MCMBP: variants seen among roughly 807,000 people sequenced by gnomAD.
The protein encoded by MCMBP is minichromosome maintenance complex binding protein, also known as mini-chromosome maintenance complex-binding protein.
In MCMBP, 31 loss-of-function variants were observed where a neutral mutation model predicts 81.3. The ratio of observed to expected loss-of-function variants is 0.38; its 90% CI spans 0.29 to 0.51. The LOEUF (loss-of-function observed/expected upper bound fraction) is 0.51, where lower values mean the gene tolerates loss of function less well. Among genes scored for constraint, MCMBP ranks in the 20% least tolerant of loss-of-function variants. MCMBP has a pLI of 0.87. For missense variants in MCMBP, 645 were observed against 772.1 expected (o/e 0.84, Z 1.95); for synonymous variants, 267 against 275.9 (o/e 0.97, Z 0.32).
chr10:119,852,012 C>T (rs1472906688), intron 6 of MCMBP, among the ~76,000 whole-genome samples: 4 of 151,742 alleles, frequency 2.6e-5, no homozygotes, highest in Non-Finnish European at 4.4e-5. Context: ...ATTAGCCAGG[C>T]GTGGTGGCGC....
intron 1 of MCMBP, among the ~76,000 whole-genome samples, chr10:119,862,787 G>A (rs1195602533): frequency 1.3e-5 from 2 of 152,188 alleles, no homozygotes; most frequent in Non-Finnish European, 2.9e-5. Context: ...ATTTTGCTAA[G>A]AGATCCAGCT....
intron 5 of MCMBP, among the ~76,000 whole-genome samples, chr10:119,853,854 C>T (rs1323716475): frequency 6.6e-6 from 1 of 152,072 alleles, no homozygotes; most frequent in Non-Finnish European, 1.5e-5. Context: ...AAATAGCAGA[C>T]CTCATGAATA....
At position 119,858,886 on chromosome 10, in the gene MCMBP, C is replaced by T. The variant is rs2134390462; in HGVS notation, c.325G>A (p.Gly109Arg). ...FGKYRDVAEC[G>R]PQQELDLNSP... ...TCATATATATTAAAGATACATACCC[C>T]ACACTCTGCTACATCTCTATATTTT... is the stretch of plus-strand genomic sequence containing the variant. Residue 109 changes from glycine (G) to arginine (R), a missense_variant and splice_region_variant, in exon 4 of 16, where the codon GGG becomes AGG. Coordinates refer to ENST00000369077, the MANE Select transcript of MCMBP (RefSeq NM_001256378.2). 6.2e-7 allele frequency: 1 copy of T among 1,607,148 alleles called. No individual in the cohort carries two copies. The highest frequency in any genetic ancestry group is 8.5e-7 in the Non-Finnish European group (1 of 1,175,372).
At chr10:119,860,048 T>A (rs183379445) in intron 1 of MCMBP, among the ~76,000 whole-genome samples, 164 bp from the exon 2 acceptor site, 79 of 152,282 alleles carry the variant, frequency 5.2e-4, no homozygotes, top group African/African-American at 1.8e-3. Context: ...CTTCAGTGTG[T>A]CTGAAGTACT....
chr10:119,847,517 G>A (rs907468941), intron 8 of MCMBP, 96 bp downstream of exon 8: 5 of 628,770 alleles, frequency 8.0e-6, no homozygotes, highest in Non-Finnish European at 8.0e-6. Context: ...TGGGAGAAAG[G>A]GAAAAGGGAG....
At position 119,843,477 on chromosome 10, in the gene MCMBP, T is replaced by C. The variant is rs749215124; in HGVS notation, c.828-51A>G. 3.2e-6 allele frequency: 5 copies of C among 1,553,576 alleles called. No individual in the cohort carries two copies. The Admixed American group carries it at 5.5e-5, about 17-fold the overall frequency. On this transcript the variant is annotated intron_variant, in intron 8 of 15. Transcript: ENST00000369077. ...TTTAGAGAGACATCAATTGCACAGA[T>C]GCAAAAATAATGTGCATCTTGGAAA...
chr10:119,852,106 C>G (rs1010279704), intron 6 of MCMBP, among the ~76,000 whole-genome samples: 1 of 131,028 alleles, frequency 7.6e-6, no homozygotes, highest in African/African-American at 3.0e-5. Flanking sequence ...GAGCCAAGAT[C>G]GTGCCACTGC....
intron 1 of MCMBP, among the ~76,000 whole-genome samples, chr10:119,863,515 T>TGAG (rs1290974431): frequency 6.6e-6 from 1 of 151,864 alleles, no homozygotes; most frequent in East Asian, 1.9e-4. Flanking sequence ...GCGGATCACC[T>TGAG]GTCAGGAGTT....
rs186482320 is a variant in MCMBP at position 119,855,669 on chromosome 10, C to T, written c.429+1669G>A. On this transcript the variant is annotated intron_variant, in intron 5 of 15. Transcript: ENST00000369077. ...TTGGGTGACAGAGCCAGCAAGACCCCGTCTAAAAAAAAAAGGCTAGAAAAA... is the reference window on the plus strand; with the variant it reads ...TTGGGTGACAGAGCCAGCAAGACCCTGTCTAAAAAAAAAAGGCTAGAAAAA... 8.8e-4 allele frequency among the ~76,000 whole-genome samples: 132 copies of T among 150,198 alleles called. 1 individual carries two copies. The highest frequency in any genetic ancestry group is 7.8e-4 in the East Asian group (4 of 5,102).
intron 14 of MCMBP, among the ~76,000 whole-genome samples, chr10:119,834,590 G>A (rs942411672): frequency 6.6e-6 from 1 of 152,024 alleles, no homozygotes. Flanking sequence ...GCTAAGGAGA[G>A]AGGATCACTT....
At chr10:119,835,504 A>T in intron 14 of MCMBP, 36 bp downstream of exon 14, 1 of 1,573,082 alleles carries the variant, frequency 6.4e-7, no homozygotes, top group Non-Finnish European at 8.7e-7. Context: ...ACTGCAATTC[A>T]ACACAGGGAA....
chr10:119,863,728 CAAAAAAAAAAAAAAAAAAAAAAAAAA>C (rs57266961), intron 1 of MCMBP, among the ~76,000 whole-genome samples: 48 of 20,188 alleles, frequency 2.4e-3, no homozygotes, highest in Admixed American at 0.013. Context: ...GGCTCAGACT[CAAAAAAAAAAAAAAAAAAAAAAAAAA>C]AAAAAAAAAA....
intron 6 of MCMBP, among the ~76,000 whole-genome samples, chr10:119,850,972 A>G (rs1211153840): frequency 6.7e-6 from 1 of 148,828 alleles, no homozygotes; most frequent in East Asian, 2.0e-4. Context: ...TCCCGGGTTC[A>G]AGCAATTCTC....
intron 1 of MCMBP, 33 bp downstream of exon 1, chr10:119,872,494 C>T (rs1185269411): frequency 8.6e-7 from 1 of 1,162,274 alleles, no homozygotes; most frequent in Non-Finnish European, 1.1e-6. Context: ...ACTCGGCTGC[C>T]CGCCCGGCCC....
At chr10:119,860,249 A>G (rs1002416149) in intron 1 of MCMBP, among the ~76,000 whole-genome samples, 1 of 152,124 alleles carries the variant, frequency 6.6e-6, no homozygotes, top group African/African-American at 2.4e-5. Context: ...CTTTCAATAC[A>G]TTTTTATGTA....
chr10:119,843,516 T>A, intron 8 of MCMBP, 90 bp from the exon 9 acceptor site: 1 of 1,274,684 alleles, frequency 7.8e-7, no homozygotes, highest in South Asian at 1.5e-5. Flanking sequence ...AAATTAGAGT[T>A]AAAGCCAAGA....
At chr10:119,858,685 T>C (rs1173626573) in intron 4 of MCMBP, among the ~76,000 whole-genome samples, 199 bp downstream of exon 4, 1 of 152,110 alleles carries the variant, frequency 6.6e-6, no homozygotes, top group East Asian at 1.9e-4. Context: ...GCATTAACAG[T>C]ATTTCCCCTT....
intron 8 of MCMBP, among the ~76,000 whole-genome samples, chr10:119,845,058 G>GGAT (rs1852570441): frequency 6.6e-6 from 1 of 152,058 alleles, no homozygotes; most frequent in Non-Finnish European, 1.5e-5. Flanking sequence ...TATCCTATCA[G>GGAT]TTCTGACCCT....
At position 119,872,608 on chromosome 10, in the gene MCMBP, A is replaced by T. The variant is rs11556853; in HGVS notation, c.-24T>A. Reference sequence around the variant, plus strand: ...ATCTCGCCAGGGGCCGGGGCCGGCGAAGACCGGGCGGAGGCGATCCGCGGG... The same window carrying T: ...ATCTCGCCAGGGGCCGGGGCCGGCGTAGACCGGGCGGAGGCGATCCGCGGG... On this transcript the variant is annotated 5_prime_UTR_variant, in exon 1 of 16. Transcript: ENST00000369077. 0.06 allele frequency: 69,248 copies of T among 1,160,994 alleles called. 3,058 individuals are homozygous for T. The highest frequency in any genetic ancestry group is 0.26 in the South Asian group (6,133 of 23,638). 71.9% of individuals were successfully genotyped at this position (1,160,994 alleles called of 1,614,324 possible).
Sources: gnomAD v4.1 joint callset for allele counts (sites outside exome capture counted in the v4.1 genomes callset) on GRCh38, gnomAD v4.1.1 for gene constraint, MANE v1.5 for transcripts, NCBI Gene and HGNC (gene_info 2026-07-23, HGNC 2026-07-21) for gene names.